Variants in CAST observed in about 807,000 individuals in gnomAD.
CAST encodes calpastatin.
Under a neutral mutation model 119.6 loss-of-function variants are expected in CAST, and 76 were observed. That is an observed-to-expected ratio of 0.64 (90% CI 0.53 to 0.77). The LOEUF is 0.77. Ranked by LOEUF, CAST falls within the 30% of genes least tolerant of loss-of-function variation. The pLI, the probability that CAST is intolerant of heterozygous loss-of-function variation, is 0.00. For synonymous variants in CAST, 319 were observed against 331.6 expected, an observed-to-expected ratio of 0.96 and a Z score of 0.41; for missense variants, 953 against 946.5, an observed-to-expected ratio of 1.01 and a Z score of -0.09.
intron 1 of CAST, among the ~76,000 whole-genome samples, chr5:96,655,497 C>A (rs920681733): frequency 6.6e-6 from 1 of 152,158 alleles, no homozygotes; most frequent in Non-Finnish European, 1.5e-5. Context: ...ATGCAGATGG[C>A]TCTCCACATA....
the CAST span, among the ~76,000 whole-genome samples, chr5:96,485,830 T>C: frequency 6.6e-6 from 1 of 152,158 alleles, no homozygotes; most frequent in African/African-American, 2.4e-5. Context: ...CACTCAGGAC[T>C]CATGGAAGCA....
the CAST span, among the ~76,000 whole-genome samples, chr5:96,071,463 C>G: frequency 2.0e-5 from 3 of 152,244 alleles, no homozygotes; most frequent in East Asian, 5.8e-4. Context: ...TTTTCCATCC[C>G]TATTCCTAGG....
the CAST span, among the ~76,000 whole-genome samples, chr5:96,383,320 G>T: frequency 2.0e-4 from 30 of 152,334 alleles, no homozygotes; most frequent in Admixed American, 2.6e-4. Context: ...CCGGAGGAAG[G>T]CTAGTGTGCT....
At chr5:96,192,928 T>C in the CAST span, among the ~76,000 whole-genome samples, 1 of 135,410 alleles carries the variant, frequency 7.4e-6, no homozygotes, top group Non-Finnish European at 1.6e-5. Flanking sequence ...TACATGTTTG[T>C]CGTAAGCCAC....
At chr5:96,102,582 G>A in the CAST span, among the ~76,000 whole-genome samples, 3 of 152,174 alleles carry the variant, frequency 2.0e-5, no homozygotes, top group African/African-American at 7.2e-5. Context: ...GCTCGAAGGT[G>A]GAGTTTTGCC....
At chr5:96,061,137 A>AATTTTTGG in the CAST span, among the ~76,000 whole-genome samples, 2 of 152,080 alleles carry the variant, frequency 1.3e-5, no homozygotes, top group African/African-American at 4.8e-5. Flanking sequence ...AGGCTTCAAC[A>AATTTTTGG]ATTTTTGGAG....
At chr5:96,368,520 A>C in the CAST span, among the ~76,000 whole-genome samples, 2 of 151,818 alleles carry the variant, frequency 1.3e-5, no homozygotes, top group Admixed American at 6.6e-5. Flanking sequence ...AAAAAACAAA[A>C]AAACCTATAG....
chr5:96,772,248 A>G (rs1772678027), intron 31 of CAST: 1 of 153,690 alleles, frequency 6.5e-6, no homozygotes, highest in Non-Finnish European at 1.5e-5. Context: ...TGCTGAAGAA[A>G]CTGGACAGAT....
At chr5:95,973,641 G>T in the CAST span, among the ~76,000 whole-genome samples, 1 of 152,164 alleles carries the variant, frequency 6.6e-6, no homozygotes, top group African/African-American at 2.4e-5. Flanking sequence ...GTTGACTACA[G>T]TATTTGTATG....
chr5:96,600,433 C>T (rs1318116791), intron 1 of CAST, among the ~76,000 whole-genome samples: 1 of 152,020 alleles, frequency 6.6e-6, no homozygotes, highest in Non-Finnish European at 1.5e-5. Flanking sequence ...AAGTATGGAC[C>T]CTTCATATTA....
chr5:96,087,965 G>A, the CAST span, among the ~76,000 whole-genome samples: 1 of 152,136 alleles, frequency 6.6e-6, no homozygotes, highest in Non-Finnish European at 1.5e-5. Flanking sequence ...GCATCAGAAT[G>A]CATCTGCATA....
At chr5:96,730,133 G>A (rs764419078) in intron 8 of CAST, among the ~76,000 whole-genome samples, 15 of 152,190 alleles carry the variant, frequency 9.9e-5, no homozygotes, top group Non-Finnish European at 2.1e-4. Flanking sequence ...AGCATTTTTA[G>A]GGTCGTGTTG....
chr5:95,987,172 G>C, the CAST span, among the ~76,000 whole-genome samples: 30 of 152,148 alleles, frequency 2.0e-4, no homozygotes, highest in African/African-American at 7.2e-4. Context: ...CTCAACACCT[G>C]GGCCCCAGTC....
the CAST span, chr5:96,079,154 A>G: frequency 1.3e-5 from 6 of 475,690 alleles, no homozygotes; most frequent in African/African-American, 8.0e-5. Flanking sequence ...CACATTAACC[A>G]AAGAGGAAGG....
the CAST span, among the ~76,000 whole-genome samples, chr5:95,999,267 C>A: frequency 6.6e-6 from 1 of 152,046 alleles, no homozygotes; most frequent in East Asian, 1.9e-4. Flanking sequence ...TTTTGCCTTG[C>A]ATAACTTTTT....
At chr5:96,553,792 C>T (rs900880784) in intron 1 of CAST, among the ~76,000 whole-genome samples, 1 of 152,126 alleles carries the variant, frequency 6.6e-6, no homozygotes, top group Non-Finnish European at 1.5e-5. Flanking sequence ...CATGAGTTAA[C>T]TCCCATTCTC....
chr5:96,680,371 AAAAAAAAAG>A (rs560703012), intron 2 of CAST, among the ~76,000 whole-genome samples: 9 of 127,944 alleles, frequency 7.0e-5, no homozygotes, highest in African/African-American at 2.7e-4. Flanking sequence ...AAAAAAAAAA[AAAAAAAAAG>A]AAGAAGAAGA....
chr5:96,668,887 A>G (rs1378395979), intron 1 of CAST, among the ~76,000 whole-genome samples: 1 of 151,998 alleles, frequency 6.6e-6, no homozygotes, highest in African/African-American at 2.4e-5. Flanking sequence ...AGCTGCTACC[A>G]TCCCTAGTCT....
the CAST span, among the ~76,000 whole-genome samples, chr5:96,036,761 T>C: frequency 2.8e-4 from 43 of 152,304 alleles, no homozygotes; most frequent in Middle Eastern, 3.4e-3. Context: ...AAATAAGCCC[T>C]TCTTAGTCTT....
Sources: gnomAD v4.1 joint callset for allele counts (sites outside exome capture counted in the v4.1 genomes callset) on GRCh38, gnomAD v4.1.1 for gene constraint, MANE v1.5 for transcripts, NCBI Gene and HGNC (gene_info 2026-07-23, HGNC 2026-07-21) for gene names.